Variants in GRIP1 observed in about 807,000 individuals in gnomAD.
The protein encoded by GRIP1 is glutamate receptor-interacting protein 1.
Under a neutral mutation model 129.9 loss-of-function variants are expected in GRIP1, and 45 were observed. That is an observed-to-expected ratio of 0.35 (90% CI 0.27 to 0.44). The LOEUF (loss-of-function observed/expected upper bound fraction) is 0.44. Ranked by LOEUF, GRIP1 falls within the 20% of genes least tolerant of loss-of-function variation. The pLI, the probability that GRIP1 is intolerant of heterozygous loss-of-function variation, is 1.00. For missense variants in GRIP1, 1,196 were observed against 1,396.8 expected, an observed-to-expected ratio of 0.86 and a Z score of 2.29; for synonymous variants, 530 against 520.8, an observed-to-expected ratio of 1.02 and a Z score of -0.24.
intron 23 of GRIP1, among the ~76,000 whole-genome samples, chr12:66,371,348 AG>A (rs1183708625): frequency 1.3e-5 from 2 of 151,992 alleles, no homozygotes; most frequent in Admixed American, 1.3e-4. Flanking sequence ...TAGTAGAGAC[AG>A]GGTTTCACCA....
At chr12:66,890,917 T>C (rs922608818) in intron 1 of GRIP1, among the ~76,000 whole-genome samples, 1 of 152,214 alleles carries the variant, frequency 6.6e-6, no homozygotes, top group African/African-American at 2.4e-5. Flanking sequence ...GCTCAATGAC[T>C]TTATGAGGTC....
chr12:66,977,161 T>C (rs2042164624), intron 1 of GRIP1, among the ~76,000 whole-genome samples: 1 of 151,998 alleles, frequency 6.6e-6, no homozygotes, highest in Non-Finnish European at 1.5e-5. Context: ...ATATAAACAT[T>C]AGCATTCCCA....
At chr12:66,690,419 A>G (rs2034940085) in intron 1 of GRIP1, among the ~76,000 whole-genome samples, 1 of 150,848 alleles carries the variant, frequency 6.6e-6, no homozygotes, top group Non-Finnish European at 1.5e-5. Context: ...TATTTTCTTT[A>G]TTTACTCATT....
At chr12:66,584,812 A>C (rs911398761) in intron 2 of GRIP1, among the ~76,000 whole-genome samples, 1 of 151,954 alleles carries the variant, frequency 6.6e-6, no homozygotes, top group Admixed American at 6.6e-5. Flanking sequence ...CCAGTCTTTG[A>C]AATGATACCT....
chr12:66,802,695 A>ACAAT (rs1238357923), intron 1 of GRIP1, among the ~76,000 whole-genome samples: 1 of 152,188 alleles, frequency 6.6e-6, no homozygotes, highest in East Asian at 1.9e-4. Context: ...AAAAATCTGT[A>ACAAT]CAATGTCTAC....
chr12:67,034,971 A>G (rs1421188715), intron 1 of GRIP1, among the ~76,000 whole-genome samples: 8 of 152,224 alleles, frequency 5.3e-5, no homozygotes. Flanking sequence ...AAAAAGCACA[A>G]ATCCATTCAC....
At chr12:66,709,565 T>G (rs1247681030) in intron 1 of GRIP1, among the ~76,000 whole-genome samples, 3 of 151,926 alleles carry the variant, frequency 2.0e-5, no homozygotes, top group South Asian at 4.1e-4. Flanking sequence ...GACAGGGAGT[T>G]GTTCCTAGGG....
intron 1 of GRIP1, among the ~76,000 whole-genome samples, chr12:66,825,777 C>G (rs772281226): frequency 1.1e-4 from 16 of 152,144 alleles, no homozygotes; most frequent in Non-Finnish European, 1.8e-4. Flanking sequence ...GGGCATAAAA[C>G]TACATTTTAA....
intron 2 of GRIP1, among the ~76,000 whole-genome samples, chr12:66,594,035 T>C (rs561436743): frequency 8.6e-6 from 1 of 116,296 alleles, no homozygotes; most frequent in Admixed American, 1.3e-4. Context: ...GCCACTGTAC[T>C]CCAGCCTGGG....
At chr12:66,901,657 C>A (rs1387626654) in intron 1 of GRIP1, among the ~76,000 whole-genome samples, 1 of 152,128 alleles carries the variant, frequency 6.6e-6, no homozygotes, top group Non-Finnish European at 1.5e-5. Flanking sequence ...TTGGATTGAC[C>A]TTTACAATCA....
intron 2 of GRIP1, among the ~76,000 whole-genome samples, chr12:66,572,791 T>C (rs982968005): frequency 2.0e-5 from 3 of 152,218 alleles, no homozygotes; most frequent in Non-Finnish European, 4.4e-5. Flanking sequence ...CTTCTTCAGA[T>C]AGCTTCCATG....
At chr12:66,630,790 C>T (rs2140038671) in intron 1 of GRIP1, among the ~76,000 whole-genome samples, 1 of 152,202 alleles carries the variant, frequency 6.6e-6, no homozygotes, top group East Asian at 1.9e-4. Flanking sequence ...GTGAAAGCCT[C>T]TATTGAAGAA....
chr12:66,888,246 A>T (rs2040599180), intron 1 of GRIP1, among the ~76,000 whole-genome samples: 1 of 151,328 alleles, frequency 6.6e-6, no homozygotes, highest in Admixed American at 6.6e-5. Context: ...TTTTTTGTGG[A>T]GATGGGGTCT....
At chr12:66,631,882 C>A (rs144825346) in intron 1 of GRIP1, among the ~76,000 whole-genome samples, 3 of 152,256 alleles carry the variant, frequency 2.0e-5, no homozygotes, top group Non-Finnish European at 4.4e-5. Context: ...ATTTTATATG[C>A]ATTATTTTAT....
chr12:66,826,517 C>A (rs1183803535), intron 1 of GRIP1, among the ~76,000 whole-genome samples: 1 of 151,748 alleles, frequency 6.6e-6, no homozygotes, highest in East Asian at 1.9e-4. Flanking sequence ...AAAATACTTA[C>A]AAAGAATTAG....
At chr12:66,619,873 T>C (rs1459485263) in intron 1 of GRIP1, among the ~76,000 whole-genome samples, 1 of 152,184 alleles carries the variant, frequency 6.6e-6, no homozygotes, top group African/African-American at 2.4e-5. Context: ...TACTATTATA[T>C]TGTTTTTAAT....
intron 1 of GRIP1, among the ~76,000 whole-genome samples, chr12:66,603,480 C>T (rs746269331): frequency 7.9e-5 from 12 of 152,220 alleles, no homozygotes; most frequent in Non-Finnish European, 1.6e-4. Context: ...TCAGCCTCCA[C>T]CCCAACCCAG....
At chr12:66,696,145 A>T (rs1387270680) in intron 1 of GRIP1, among the ~76,000 whole-genome samples, 1 of 151,862 alleles carries the variant, frequency 6.6e-6, no homozygotes, top group African/African-American at 2.4e-5. Flanking sequence ...TTTTTTTTTT[A>T]AAGGACAACT....
chr12:66,899,280 A>C, intron 1 of GRIP1, among the ~76,000 whole-genome samples: 1 of 152,046 alleles, frequency 6.6e-6, no homozygotes, highest in South Asian at 2.1e-4. Flanking sequence ...TCAATGAAAC[A>C]CTCATTCAGT....
Sources: gnomAD v4.1 joint callset for allele counts (sites outside exome capture counted in the v4.1 genomes callset) on GRCh38, gnomAD v4.1.1 for gene constraint, MANE v1.5 for transcripts, NCBI Gene and HGNC (gene_info 2026-07-23, HGNC 2026-07-21) for gene names.